GLI3: variants seen among roughly 807,000 people sequenced by gnomAD.
GLI3 encodes transcription activator GLI3.
A neutral mutation model predicts 100.8 loss-of-function variants in GLI3; 20 were observed. That is an observed-to-expected ratio of 0.20 (90% CI 0.14 to 0.29). The LOEUF is 0.29. Among genes scored for constraint, GLI3 ranks in the 10% least tolerant of loss-of-function variants. GLI3 has a pLI of 1.00. For missense variants in GLI3, 2,040 were observed against 2,128.5 expected (o/e 0.96, Z 0.82); for synonymous variants, 938 against 860.5 (o/e 1.09, Z -1.58).
intron 3 of GLI3, among the ~76,000 whole-genome samples, chr7:42,129,757 C>T (rs537862218): frequency 2.2e-3 from 330 of 152,156 alleles, no homozygotes; most frequent in Non-Finnish European, 3.5e-3. Context: ...TTGCATTGAG[C>T]CGAGATCGCG....
intron 10 of GLI3, 127 bp from the exon 11 acceptor site, chr7:41,978,875 T>C (rs1435880736): frequency 1.1e-5 from 9 of 822,568 alleles, no homozygotes; most frequent in South Asian, 1.6e-5. Flanking sequence ...AACTTTACCA[T>C]ATTACAGATT....
chr7:42,116,863 G>A (rs1226150748), intron 3 of GLI3, among the ~76,000 whole-genome samples: 2 of 151,648 alleles, frequency 1.3e-5, no homozygotes, highest in Non-Finnish European at 2.9e-5. Flanking sequence ...TCATAAGACC[G>A]AGGGTGTCCT....
chr7:42,155,256 A>G (rs1786973718), intron 2 of GLI3, among the ~76,000 whole-genome samples: 3 of 152,006 alleles, frequency 2.0e-5, no homozygotes, highest in Non-Finnish European at 4.4e-5. Flanking sequence ...CCTGACCAAC[A>G]TGGAGAAACC....
intron 2 of GLI3, among the ~76,000 whole-genome samples, chr7:42,221,406 C>T (rs944148533): frequency 4.6e-5 from 7 of 152,228 alleles, no homozygotes; most frequent in African/African-American, 1.7e-4. Context: ...CTGCCATGCA[C>T]TTGTTCTTGC....
intron 1 of GLI3, among the ~76,000 whole-genome samples, chr7:42,224,174 T>C (rs1788542454): frequency 2.6e-5 from 4 of 152,196 alleles, no homozygotes; most frequent in African/African-American, 9.6e-5. Context: ...CTACAAAGAA[T>C]ACAAGAAAAG....
Position 41,972,687 on chromosome 7 carries a change from CA to C in GLI3, c.1813-61del, listed in dbSNP as rs1787397725. 2.1e-5 allele frequency: 30 copies of C among 1,417,528 alleles called. No individual in the cohort carries two copies. In the South Asian group the frequency reaches 3.5e-4, roughly 17 times the overall value. 87.8% of individuals were successfully genotyped at this position (1,417,528 alleles called of 1,614,324 possible). A position where few individuals can be genotyped will look rare whatever the true frequency, so the allele number is the denominator to read the frequency against. On this transcript the variant is annotated intron_variant, in intron 12 of 14. Coordinates refer to ENST00000395925, the MANE Select transcript of GLI3 (RefSeq NM_000168.6). This position sits in a 1 kb window ranked among gnomAD's most constrained non-coding sequence, Gnocchi z 4.4. ...TTATGAAAGAGACTATGCCCCAGCC[CA>C]AAAGTCCTTTATGGTTGCTCATTAC... is the stretch of plus-strand genomic sequence containing the variant.
At chr7:42,119,207 T>C (rs1785934507) in intron 3 of GLI3, among the ~76,000 whole-genome samples, 1 of 152,222 alleles carries the variant, frequency 6.6e-6, no homozygotes, top group African/African-American at 2.4e-5. Flanking sequence ...AATGAATGTG[T>C]CCTGTGTCTA....
At chr7:42,152,302 T>C (rs1786890957) in intron 2 of GLI3, 1 of 691,342 alleles carries the variant, frequency 1.4e-6, no homozygotes, top group Non-Finnish European at 1.8e-6. Context: ...TACTCCTCTC[T>C]TGTCCCAAGA....
At chr7:42,260,775 A>G (rs1291679260) in intron 1 of GLI3, among the ~76,000 whole-genome samples, 1 of 152,194 alleles carries the variant, frequency 6.6e-6, no homozygotes, top group Non-Finnish European at 1.5e-5. Flanking sequence ...AAAAGAATGA[A>G]TTTTGAGTAC....
intron 3 of GLI3, among the ~76,000 whole-genome samples, chr7:42,115,008 G>A (rs535577922): frequency 2.0e-5 from 3 of 151,780 alleles, no homozygotes; most frequent in Non-Finnish European, 2.9e-5. Flanking sequence ...ACCAGGAGAG[G>A]CATAATTTTA....
intron 10 of GLI3, among the ~76,000 whole-genome samples, chr7:42,004,041 G>A (rs997163398): frequency 4.6e-5 from 7 of 152,124 alleles, no homozygotes; most frequent in African/African-American, 1.7e-4. Flanking sequence ...TCTCTATGTG[G>A]CAAACAGTCA....
intron 2 of GLI3, among the ~76,000 whole-genome samples, chr7:42,219,892 C>T (rs1248220029): frequency 2.1e-5 from 3 of 144,462 alleles, no homozygotes; most frequent in South Asian, 2.2e-4. Context: ...CTCGTTCTGT[C>T]GCCCAGGCTG....
chr7:42,233,922 T>G (rs952071962), intron 1 of GLI3, among the ~76,000 whole-genome samples: 8 of 152,200 alleles, frequency 5.3e-5, no homozygotes, highest in African/African-American at 1.9e-4. Context: ...CATTTCAGCA[T>G]TTTAATTGCC....
intron 3 of GLI3, chr7:42,118,124 G>A (rs554705720): frequency 8.6e-5 from 33 of 384,760 alleles, no homozygotes; most frequent in East Asian, 7.4e-4. Context: ...TACCAACTTC[G>A]GGTTTGCAAA....
At chr7:42,090,366 T>C (rs977862156) in intron 3 of GLI3, among the ~76,000 whole-genome samples, 1 of 152,222 alleles carries the variant, frequency 6.6e-6, no homozygotes, top group Non-Finnish European at 1.5e-5. Context: ...CACTAGGTGA[T>C]AGGAATTCTT....
intron 3 of GLI3, among the ~76,000 whole-genome samples, chr7:42,090,716 ACT>A (rs1229151625): frequency 1.3e-5 from 2 of 152,356 alleles, no homozygotes; most frequent in East Asian, 3.9e-4. Context: ...CTAGACAGAC[ACT>A]GTCCTCAGCT....
At chr7:42,137,801 T>C (rs990226926) in intron 3 of GLI3, among the ~76,000 whole-genome samples, 5 of 152,190 alleles carry the variant, frequency 3.3e-5, no homozygotes, top group Admixed American at 3.3e-4. Context: ...GCAGCTAAAA[T>C]TGTTTCATGC....
At chr7:42,061,844 C>G (rs561947383) in intron 4 of GLI3, among the ~76,000 whole-genome samples, 10 of 152,136 alleles carry the variant, frequency 6.6e-5, no homozygotes, top group Admixed American at 2.0e-4. Flanking sequence ...TAAGGGGATA[C>G]TTTTCTTAGG....
intron 1 of GLI3, among the ~76,000 whole-genome samples, chr7:42,228,434 C>T (rs958062478): frequency 3.9e-5 from 6 of 152,224 alleles, no homozygotes; most frequent in African/African-American, 1.2e-4. Context: ...CAGCGCCTGG[C>T]AGTCTCCCTC....
Sources: gnomAD v4.1 joint callset for allele counts (sites outside exome capture counted in the v4.1 genomes callset) on GRCh38, gnomAD v4.1.1 for gene constraint, Gnocchi (gnomAD v3.1) non-coding constraint, MANE v1.5 for transcripts, NCBI Gene and HGNC (gene_info 2026-07-23, HGNC 2026-07-21) for gene names.